The following NEK1 variants were observed in gnomAD, a reference collection of about 807,000 sequenced individuals.
The protein encoded by NEK1 is serine/threonine-protein kinase Nek1.
In NEK1, 137 loss-of-function variants were observed where a neutral mutation model predicts 182.1. The ratio of observed to expected loss-of-function variants is 0.75; its 90% CI spans 0.65 to 0.87. The LOEUF (loss-of-function observed/expected upper bound fraction) is 0.87. Ranked by LOEUF, NEK1 falls within the 40% of genes least tolerant of loss-of-function variation. The pLI, the probability that NEK1 is intolerant of heterozygous loss-of-function variation, is 0.00. For synonymous variants in NEK1, 513 were observed against 492.2 expected (o/e 1.04, Z -0.56); for missense variants, 1,391 against 1,494.4 (o/e 0.93, Z 1.14).
chr4:169,596,028 A>G (rs1769429295), intron 5 of NEK1, among the ~76,000 whole-genome samples: 1 of 152,106 alleles, frequency 6.6e-6, no homozygotes, highest in African/African-American at 2.4e-5. Flanking sequence ...TGCGTCGTAA[A>G]TGGTAAAGTC....
At chr4:169,540,022 A>G (rs1382349484) in intron 18 of NEK1, among the ~76,000 whole-genome samples, 1 of 152,144 alleles carries the variant, frequency 6.6e-6, no homozygotes, top group East Asian at 1.9e-4. Flanking sequence ...CCATTTATGC[A>G]TATATAACAC....
intron 23 of NEK1, among the ~76,000 whole-genome samples, chr4:169,493,924 C>G (rs535163655): frequency 2.0e-4 from 31 of 152,182 alleles, no homozygotes; most frequent in African/African-American, 7.5e-4. Context: ...GATATGCAGA[C>G]ACAAGAAATT....
chr4:169,525,585 T>G (rs1033627739), intron 19 of NEK1, among the ~76,000 whole-genome samples: 3 of 152,224 alleles, frequency 2.0e-5, no homozygotes, highest in African/African-American at 7.2e-5. Flanking sequence ...AAATCTAGTC[T>G]GCTGTCTTAT....
chr4:169,455,179 G>A (rs1348083519), intron 27 of NEK1, among the ~76,000 whole-genome samples: 1 of 152,124 alleles, frequency 6.6e-6, no homozygotes, highest in African/African-American at 2.4e-5. Flanking sequence ...GCATGTTGGG[G>A]GGTTGGGGCC....
intron 26 of NEK1, among the ~76,000 whole-genome samples, chr4:169,465,342 C>T (rs1744727817): frequency 6.6e-6 from 1 of 151,992 alleles, no homozygotes; most frequent in South Asian, 2.1e-4. Context: ...GGAATTTAAC[C>T]CCTTCAATGC....
At chr4:169,547,917 T>A (rs976908968) in intron 18 of NEK1, among the ~76,000 whole-genome samples, 23 of 152,196 alleles carry the variant, frequency 1.5e-4, no homozygotes, top group African/African-American at 5.5e-4. Flanking sequence ...GGTTAGAACA[T>A]GTTCCTTTAG....
At chr4:169,410,354 T>C (rs1194789127) in intron 31 of NEK1, among the ~76,000 whole-genome samples, 1 of 152,180 alleles carries the variant, frequency 6.6e-6, no homozygotes, top group Non-Finnish European at 1.5e-5. Flanking sequence ...TAGAGAAACA[T>C]ATAACATAGT....
At position 169,426,190 on chromosome 4, in the gene NEK1, T is replaced by A; in HGVS notation, c.2930A>T (p.Asp977Val). Residue 977 changes from aspartate to valine, a missense_variant, in exon 30 of 36, where the codon GAT (aspartate) becomes GTT (valine). Around this residue, in one of 5 missense-constraint regions of NEK1, gnomAD observed 1,216 missense variants for 1,277.6 expected, o/e 0.95. Coordinates refer to ENST00000507142, the MANE Select transcript of NEK1 (RefSeq NM_001199397.3). ...TTGGTCCACAGTACTCGAGACTCCA[T>A]CTTCAGAAACTTCATTTTCCTGAAT... ...ITIQENEVSE[D>V]GVSSTVDQLS... The A allele has an allele frequency of 6.2e-7, 1 of 1,613,780 alleles. No individual in the cohort carries two copies.
intron 33 of NEK1, among the ~76,000 whole-genome samples, chr4:169,400,863 T>C (rs558134206): frequency 2.0e-5 from 3 of 151,528 alleles, no homozygotes; most frequent in East Asian, 1.9e-4. Context: ...TTTTCATGTA[T>C]AGATATAAAA....
rs188137849 is a variant in NEK1, at chr4:169,433,735, C to T, written c.2765-70G>A. 16 of 1,475,608 alleles carry T rather than the reference C, an allele frequency of 1.1e-5. No individual in the cohort carries two copies. The East Asian group carries it at 3.2e-4, about 30-fold the overall frequency. The allele number at this position is 1,475,608 out of a possible 1,614,324, so 91.4% of individuals were successfully genotyped here. A position where few individuals can be genotyped will look rare whatever the true frequency, so the allele number is the denominator to read the frequency against. The stretch of plus-strand genomic sequence containing the variant: ...GTCAAGAGAATATTGAATAAACTTG[C>T]TATAAATTATTGCTACCTAGTTTTA... On this transcript the variant is annotated intron_variant, in intron 28 of 35. Transcript: ENST00000507142.
intron 35 of NEK1, among the ~76,000 whole-genome samples, chr4:169,399,580 C>CAA (rs34066126): frequency 0.019 from 2,882 of 148,968 alleles, 39 homozygotes; most frequent in Non-Finnish European, 0.027. Flanking sequence ...TCAAAAAAAA[C>CAA]AAAAAAAAAT....
Position 169,463,321 on chromosome 4 carries a change from C to T in NEK1, c.2509G>A (p.Asp837Asn). The T allele has an allele frequency of 1.2e-6, 2 of 1,610,336 alleles. No homozygotes were observed. The highest frequency in any genetic ancestry group is 8.5e-7 in the Non-Finnish European group (1 of 1,177,736). Residue 837 changes from aspartate (D) to asparagine (N), a missense_variant, in exon 27 of 36, where the codon GAT becomes AAT. Asp to Asn is a conservative substitution (Grantham distance 23). Coordinates refer to ENST00000507142, the MANE Select transcript of NEK1 (RefSeq NM_001199397.3). ...TCTCCAAGTATCTTTAGAACAGAAT[C>T]TGTCGGACTTTTCCCCCAGGCTCTT... ...PRRAWGKSPT[D>N]SVLKILGEAE...
chr4:169,488,841 ATAGT>A (rs1242286381), intron 23 of NEK1, among the ~76,000 whole-genome samples: 2 of 152,180 alleles, frequency 1.3e-5, no homozygotes, highest in African/African-American at 2.4e-5. Context: ...TATTGAAATA[ATAGT>A]TAAATAACTT....
chr4:169,474,073 G>A (rs1056357747), intron 26 of NEK1, among the ~76,000 whole-genome samples: 16 of 151,496 alleles, frequency 1.1e-4, no homozygotes, highest in Non-Finnish European at 1.3e-4. Context: ...AAAGAACAGG[G>A]ACAGAAAAAA....
intron 16 of NEK1, among the ~76,000 whole-genome samples, chr4:169,557,469 ACTTTT>A (rs920447733): frequency 5.3e-4 from 80 of 152,354 alleles, no homozygotes; most frequent in African/African-American, 1.6e-3. Context: ...ACTTATTTTA[ACTTTT>A]CTTATCTGAG....
intron 29 of NEK1, among the ~76,000 whole-genome samples, chr4:169,430,656 A>G (rs1737253944): frequency 6.6e-6 from 1 of 152,234 alleles, no homozygotes. Context: ...TATCATAGGA[A>G]TAATAGTGTA....
At position 169,392,958 on chromosome 4, in the gene NEK1, T is replaced by C. The variant is rs931547018; in HGVS notation, c.*1552A>G. On this transcript the variant is annotated 3_prime_UTR_variant, in exon 36 of 36. Coordinates refer to ENST00000507142, the MANE Select transcript of NEK1 (RefSeq NM_001199397.3). ...CCAGAGTCACACACTGCTAATCGAC[T>C]GGAGATGGCACAAATCTTATTGATC... 3.9e-5 allele frequency: 6 copies of C among 152,330 alleles called. No individual in the cohort carries two copies. The highest frequency in any genetic ancestry group is 1.4e-4 in the African/African-American group (6 of 41,578). 9.4% of individuals were successfully genotyped at this position (152,330 alleles called of 1,614,324 possible).
intron 26 of NEK1, among the ~76,000 whole-genome samples, chr4:169,473,944 G>A (rs771266631): frequency 3.9e-5 from 6 of 152,166 alleles, no homozygotes; most frequent in African/African-American, 9.7e-5. Flanking sequence ...AGTGGTAGAG[G>A]AAAAAGTCTG....
chr4:169,535,399 A>G (rs1302799163), intron 19 of NEK1, among the ~76,000 whole-genome samples: 1 of 152,158 alleles, frequency 6.6e-6, no homozygotes, highest in Non-Finnish European at 1.5e-5. Flanking sequence ...CAGACACAGC[A>G]GAAGATTAAT....
Sources: allele counts gnomAD v4.1 joint callset (sites outside exome capture counted in the v4.1 genomes callset), GRCh38; gene constraint gnomAD v4.1.1; regional missense constraint gnomAD v4.1.1; transcripts MANE v1.5; gene names NCBI Gene and HGNC (gene_info 2026-07-23, HGNC 2026-07-21).